The following FRMD4A variants were observed in gnomAD, a reference collection of about 807,000 sequenced individuals.
The protein encoded by FRMD4A is FERM domain containing 4A.
FRMD4A carries 29 observed loss-of-function variants against 129.1 expected under a neutral mutation model. The observed-to-expected ratio is 0.22, with a 90% CI of 0.17 to 0.31. The LOEUF (loss-of-function observed/expected upper bound fraction) is 0.31. FRMD4A is among the 10% of genes least tolerant of loss of function. FRMD4A has a pLI of 1.00. For synonymous variants in FRMD4A, 634 were observed against 571.6 expected (o/e 1.11, Z -1.56); for missense variants, 1,272 against 1,375.8 (o/e 0.92, Z 1.19).
At chr10:14,069,991 C>A (rs1457153812) in intron 2 of FRMD4A, among the ~76,000 whole-genome samples, 1 of 151,946 alleles carries the variant, frequency 6.6e-6, no homozygotes, top group African/African-American at 2.4e-5. Context: ...TTGCCATATG[C>A]CTTAAAGAAC....
chr10:14,295,535 G>T (rs1353156479), intron 2 of FRMD4A, among the ~76,000 whole-genome samples: 1 of 152,148 alleles, frequency 6.6e-6, no homozygotes, highest in Non-Finnish European at 1.5e-5. Context: ...GGAAACTGCT[G>T]CACTCAGCTC....
intron 2 of FRMD4A, among the ~76,000 whole-genome samples, chr10:13,960,097 A>G (rs1189203394): frequency 6.6e-6 from 1 of 152,170 alleles, no homozygotes; most frequent in Non-Finnish European, 1.5e-5. Context: ...TTAGATTTCT[A>G]GGAACCACTA....
chr10:13,802,533 C>G lies in FRMD4A; in HGVS notation c.207-5945G>C, dbSNP rs138627562. On this transcript the variant is annotated intron_variant, in intron 4 of 24. Coordinates refer to ENST00000357447, the MANE Select transcript of FRMD4A (RefSeq NM_018027.5). ...GTGGTGCAATCATAGCTCACTGCAGCCTTGAACTGCTGGGCTCAAGCGATC... is the reference window on the plus strand; with the variant it reads ...GTGGTGCAATCATAGCTCACTGCAGGCTTGAACTGCTGGGCTCAAGCGATC... 7.8e-3 allele frequency among the ~76,000 whole-genome samples: 1,188 copies of G among 152,276 alleles called. 11 individuals are homozygous for G. The highest frequency in any genetic ancestry group is 0.027 in the African/African-American group (1,107 of 41,556).
chr10:13,977,425 G>A (rs1455545741), intron 2 of FRMD4A, among the ~76,000 whole-genome samples: 1 of 152,140 alleles, frequency 6.6e-6, no homozygotes, highest in Non-Finnish European at 1.5e-5. Flanking sequence ...CAGTAGTGTT[G>A]GAAGCTTTGT....
At chr10:14,232,039 C>T (rs1843655982) in intron 2 of FRMD4A, among the ~76,000 whole-genome samples, 1 of 152,044 alleles carries the variant, frequency 6.6e-6, no homozygotes, top group Non-Finnish European at 1.5e-5. Context: ...CCTGGGTTTT[C>T]TTCTATGATT....
intron 2 of FRMD4A, among the ~76,000 whole-genome samples, chr10:13,979,884 C>T (rs1285227971): frequency 6.6e-6 from 1 of 152,222 alleles, no homozygotes; most frequent in Admixed American, 6.5e-5. Flanking sequence ...ATAAAATCCA[C>T]CCTGGTGCAG....
chr10:13,791,609 T>C (rs11258617), intron 5 of FRMD4A, among the ~76,000 whole-genome samples: 21,431 of 152,158 alleles, frequency 0.14, 1,885 homozygotes, highest in Non-Finnish European at 0.19. Flanking sequence ...CTGGAGGAAA[T>C]GGACGCGAAA....
At chr10:14,170,274 GCTGA>G (rs1416333362) in intron 2 of FRMD4A, among the ~76,000 whole-genome samples, 30 of 152,268 alleles carry the variant, frequency 2.0e-4, no homozygotes, top group African/African-American at 7.2e-4. Flanking sequence ...GCTCTGTGTG[GCTGA>G]CTATTATGCC....
intron 2 of FRMD4A, among the ~76,000 whole-genome samples, chr10:13,906,633 A>G (rs896369884): frequency 2.0e-5 from 3 of 152,170 alleles, no homozygotes; most frequent in African/African-American, 7.2e-5. Flanking sequence ...TTAGATGTCA[A>G]TCCTTGGTTT....
Position 13,705,889 on chromosome 10 carries a change from C to T in FRMD4A, c.836+1148G>A, listed in dbSNP as rs149379698. Reference sequence around the variant, plus strand: ...TGCTGAGATAAGCTCTTGCCCTACACAGGAGTGGCTGTTTCAGGCAGATTA... The same window carrying T: ...TGCTGAGATAAGCTCTTGCCCTACATAGGAGTGGCTGTTTCAGGCAGATTA... On this transcript the variant is annotated intron_variant, in intron 13 of 24. Transcript: ENST00000357447. 2.1e-3 allele frequency among the ~76,000 whole-genome samples: 319 copies of T among 152,340 alleles called. 2 individuals are homozygous for T. The highest frequency in any genetic ancestry group is 7.2e-3 in the African/African-American group (299 of 41,568).
intron 2 of FRMD4A, among the ~76,000 whole-genome samples, chr10:13,944,109 G>A (rs1215730294): frequency 6.6e-6 from 1 of 152,158 alleles, no homozygotes; most frequent in Non-Finnish European, 1.5e-5. Context: ...TTTATTTCTT[G>A]GGGATCTTAT....
chr10:13,796,328 C>T (rs183329847), intron 5 of FRMD4A, among the ~76,000 whole-genome samples, 168 bp downstream of exon 5: 94 of 152,282 alleles, frequency 6.2e-4, no homozygotes, highest in African/African-American at 2.1e-3. Flanking sequence ...CCTGCACCCT[C>T]GCACCCCGCC....
chr10:14,133,965 T>A (rs1448593508), intron 2 of FRMD4A, among the ~76,000 whole-genome samples: 1 of 152,196 alleles, frequency 6.6e-6, no homozygotes, highest in Non-Finnish European at 1.5e-5. Flanking sequence ...TTAGAAGAAC[T>A]TGTTTCTTGG....
In FRMD4A at chr10:14,239,010, T is replaced by C. The variant is rs188763882; in HGVS notation, c.45+91048A>G. Among the ~76,000 whole-genome samples, 3 of 152,324 alleles carry C rather than the reference T, an allele frequency of 2.0e-5. 1 individual carries two copies. The East Asian group carries it at 5.8e-4, about 29-fold the overall frequency. Reference sequence around the variant, plus strand: ...CTTTTTTACTGATTCCTTTCGACTCTTATTTCCTCATGACCTGTAAAAATA... The same window carrying C: ...CTTTTTTACTGATTCCTTTCGACTCCTATTTCCTCATGACCTGTAAAAATA... On this transcript the variant is annotated intron_variant, in intron 2 of 24. Transcript: ENST00000357447.
At chr10:14,034,783 T>C (rs1188315091) in intron 2 of FRMD4A, among the ~76,000 whole-genome samples, 3 of 152,170 alleles carry the variant, frequency 2.0e-5, no homozygotes, top group African/African-American at 7.2e-5. Flanking sequence ...GGTTCATGCA[T>C]CTTCACACAG....
At chr10:13,803,859 G>T (rs1345701905) in intron 4 of FRMD4A, among the ~76,000 whole-genome samples, 2 of 152,200 alleles carry the variant, frequency 1.3e-5, no homozygotes, top group African/African-American at 4.8e-5. Flanking sequence ...TGTAGACACA[G>T]CTCCCATCCT....
At chr10:13,779,061 G>C (rs192798720) in intron 6 of FRMD4A, among the ~76,000 whole-genome samples, 24 of 152,276 alleles carry the variant, frequency 1.6e-4, no homozygotes, top group African/African-American at 5.5e-4. Context: ...GCTCATGCCT[G>C]TAATCTCAGC....
chr10:13,688,476 A>C (rs990119017), intron 15 of FRMD4A, among the ~76,000 whole-genome samples: 2 of 152,130 alleles, frequency 1.3e-5, no homozygotes, highest in African/African-American at 4.8e-5. Context: ...GCACACCAAC[A>C]TGGCACATGT....
intron 2 of FRMD4A, chr10:13,991,992 G>A (rs7904035): frequency 6.6e-6 from 1 of 152,058 alleles, no homozygotes; most frequent in Admixed American, 6.5e-5. Flanking sequence ...AAGGTAAAAA[G>A]GTAAGTACAT....
Sources: allele counts gnomAD v4.1 joint callset (sites outside exome capture counted in the v4.1 genomes callset), GRCh38; gene constraint gnomAD v4.1.1; transcripts MANE v1.5; gene names NCBI Gene and HGNC (gene_info 2026-07-23, HGNC 2026-07-21).